Variants in STARD13 observed in about 807,000 individuals in gnomAD.
STARD13 encodes StAR related lipid transfer domain containing 13.
STARD13 carries 62 observed loss-of-function variants against 106.4 expected under a neutral mutation model. That is an observed-to-expected ratio of 0.58 (90% CI 0.48 to 0.72). The LOEUF is 0.72. Ranked by LOEUF, STARD13 falls within the 30% of genes least tolerant of loss-of-function variation. STARD13 has a pLI of 0.00. For synonymous variants in STARD13, 565 were observed against 553.0 expected (o/e 1.02, Z -0.31); for missense variants, 1,387 against 1,424.0 (o/e 0.97, Z 0.42).
At chr13:33,123,331 T>C (rs949182252) in intron 7 of STARD13, among the ~76,000 whole-genome samples, 1 of 152,254 alleles carries the variant, frequency 6.6e-6, no homozygotes, top group Non-Finnish European at 1.5e-5. Context: ...ATCCTGTTTA[T>C]GCTAATCTTT....
the STARD13 span, chr13:33,524,157 G>T: frequency 6.4e-6 from 5 of 785,532 alleles, no homozygotes; most frequent in South Asian, 1.3e-4. Flanking sequence ...ACACAGTGCT[G>T]TTTTTACCTT....
the STARD13 span, among the ~76,000 whole-genome samples, chr13:33,647,419 C>G: frequency 6.6e-6 from 1 of 152,178 alleles, no homozygotes; most frequent in Middle Eastern, 3.2e-3. Context: ...CAGTTGTACA[C>G]TGTCCTGGAT....
At chr13:33,483,612 C>G in the STARD13 span, among the ~76,000 whole-genome samples, 1 of 152,196 alleles carries the variant, frequency 6.6e-6, no homozygotes, top group African/African-American at 2.4e-5. Flanking sequence ...GACAATGAGA[C>G]GCCAGAACCA....
At chr13:33,609,085 C>CAAAAA in the STARD13 span, among the ~76,000 whole-genome samples, 19 of 50,522 alleles carry the variant, frequency 3.8e-4, no homozygotes, top group Middle Eastern at 0.016. Context: ...GACTCCGTCT[C>CAAAAA]AAAAAAAAAA....
At chr13:33,458,963 G>A in the STARD13 span, among the ~76,000 whole-genome samples, 1 of 151,824 alleles carries the variant, frequency 6.6e-6, no homozygotes. Flanking sequence ...TGGGATTACA[G>A]GCACACACCA....
At chr13:33,212,981 T>C (rs554433712) in intron 1 of STARD13, among the ~76,000 whole-genome samples, 36 of 152,360 alleles carry the variant, frequency 2.4e-4, no homozygotes, top group Middle Eastern at 3.4e-3. Flanking sequence ...TGCTACGTTC[T>C]TGTTTTGAAG....
At chr13:33,301,708 C>T (rs1290750281) in intron 1 of STARD13, among the ~76,000 whole-genome samples, 1 of 151,818 alleles carries the variant, frequency 6.6e-6, no homozygotes, top group African/African-American at 2.4e-5. Context: ...GCTGGGACTA[C>T]CGGCACCCGC....
chr13:33,113,604 G>A lies in STARD13; in HGVS notation c.2282-673C>T, dbSNP rs1405552545. 1.4e-5 allele frequency: 7 copies of A among 509,260 alleles called. 1 individual carries two copies. The highest frequency in any genetic ancestry group is 5.8e-5 in the South Asian group (4 of 69,184). 31.5% of individuals were successfully genotyped at this position (509,260 alleles called of 1,614,324 possible). On this transcript the variant is annotated intron_variant, in intron 8 of 13. Coordinates refer to ENST00000336934, the MANE Select transcript of STARD13 (RefSeq NM_178006.4). ...GGATGCCTGCTATTGACTTCATGTGGAGACCCAGCGTCACCTGTTCCATAA... is the reference window on the plus strand; with the variant it reads ...GGATGCCTGCTATTGACTTCATGTGAAGACCCAGCGTCACCTGTTCCATAA...
intron 1 of STARD13, among the ~76,000 whole-genome samples, chr13:33,320,747 G>T (rs1244354513): frequency 5.3e-5 from 8 of 152,156 alleles, no homozygotes. Flanking sequence ...AGGAGGGGAG[G>T]ACTGCTTGAG....
At position 33,103,541 on chromosome 13, in the gene STARD13, T is replaced by TTAGGCCAGCAGCA. The variant is rs1469135005; in HGVS notation, c.*2039_*2051dup. 1 of 152,634 alleles carries TTAGGCCAGCAGCA rather than the reference T, an allele frequency of 6.6e-6. No individual in the cohort carries two copies. Among genetic ancestry groups the TTAGGCCAGCAGCA allele is most frequent in the Non-Finnish European group, 1.5e-5 (1 of 68,040 alleles). 9.5% of individuals were successfully genotyped at this position (152,634 alleles called of 1,614,324 possible). A position where few individuals can be genotyped will look rare whatever the true frequency, so the allele number is the denominator to read the frequency against. On this transcript the variant is annotated 3_prime_UTR_variant, in exon 14 of 14. Transcript: ENST00000336934. ...TAGGTCCTCGTTTCTGAGTGTGGTTTTAGGCCAGCAGCATAGGCATCCCTG... is the reference window on the plus strand; with the variant it reads ...TAGGTCCTCGTTTCTGAGTGTGGTTTTAGGCCAGCAGCATAGGCCAGCAGCATAGGCATCCCTG...
intron 1 of STARD13, among the ~76,000 whole-genome samples, chr13:33,296,050 G>T (rs970301407): frequency 3.3e-5 from 5 of 150,820 alleles, no homozygotes; most frequent in African/African-American, 1.2e-4. Flanking sequence ...GCGAAACCTC[G>T]TCTCTACTTA....
the STARD13 span, among the ~76,000 whole-genome samples, chr13:33,635,128 G>C: frequency 1.2e-3 from 186 of 152,298 alleles, 1 homozygote; most frequent in African/African-American, 4.3e-3. Flanking sequence ...CTTCGCTTTA[G>C]AAAATGCTTC....
chr13:33,174,385 G>A (rs530274895), intron 1 of STARD13, among the ~76,000 whole-genome samples: 3 of 152,002 alleles, frequency 2.0e-5, no homozygotes, highest in Non-Finnish European at 2.9e-5. Context: ...CTGCAACTAG[G>A]AGGCATACCC....
At chr13:33,200,455 C>T (rs1009742083) in intron 1 of STARD13, among the ~76,000 whole-genome samples, 22 of 152,340 alleles carry the variant, frequency 1.4e-4, no homozygotes, top group Admixed American at 8.5e-4. Flanking sequence ...AGGTACTCTC[C>T]GGTCATTAAC....
At chr13:33,403,236 C>T in the STARD13 span, among the ~76,000 whole-genome samples, 3 of 152,356 alleles carry the variant, frequency 2.0e-5, no homozygotes, top group South Asian at 6.2e-4. Context: ...CACACCCCTG[C>T]TGCACATCCT....
At chr13:33,647,419 C>T in the STARD13 span, among the ~76,000 whole-genome samples, 1 of 152,178 alleles carries the variant, frequency 6.6e-6, no homozygotes, top group East Asian at 1.9e-4. Context: ...CAGTTGTACA[C>T]TGTCCTGGAT....
At chr13:33,110,431 G>A (rs1375212847) in intron 11 of STARD13, among the ~76,000 whole-genome samples, 14 of 152,186 alleles carry the variant, frequency 9.2e-5, no homozygotes, top group Admixed American at 9.2e-4. Flanking sequence ...GCACAGAGAG[G>A]TGTGTGACTT....
At chr13:33,545,553 T>A in the STARD13 span, among the ~76,000 whole-genome samples, 1 of 152,328 alleles carries the variant, frequency 6.6e-6, no homozygotes, top group South Asian at 2.1e-4. Flanking sequence ...GTTTGTTGGA[T>A]CCCTCCAAAT....
In STARD13 at chr13:33,129,159, A is replaced by G. The variant is rs1272132810; in HGVS notation, c.1518T>C (p.Asp506=). 2 of 1,614,216 alleles carry G rather than the reference A, an allele frequency of 1.2e-6. No individual in the cohort carries two copies. Among genetic ancestry groups the G allele is most frequent in the South Asian group, 2.2e-5 (2 of 91,084 alleles). The part of the protein sequence containing the change: ...LQEVVDDWSK[D]VLPELQTHDT... ...CATGAGTTTGCAGTTCAGGCAAGAC[A>G]TCTTTGGACCAGTCATCGACTACCT... Residue 506 remains aspartate, a synonymous_variant, in exon 5 of 14, where the codon GAT becomes GAC. Transcript: ENST00000336934.
Sources: gnomAD v4.1 joint callset for allele counts (sites outside exome capture counted in the v4.1 genomes callset) on GRCh38, gnomAD v4.1.1 for gene constraint, MANE v1.5 for transcripts, NCBI Gene and HGNC (gene_info 2026-07-23, HGNC 2026-07-21) for gene names.